The following DOCK9 variants were observed in gnomAD, a reference collection of about 807,000 sequenced individuals.
DOCK9 encodes the protein dedicator of cytokinesis protein 9.
DOCK9 carries 89 observed loss-of-function variants against 263.3 expected under a neutral mutation model. The observed-to-expected ratio is 0.34, with a 90% CI of 0.28 to 0.40. The LOEUF (loss-of-function observed/expected upper bound fraction) is 0.40. Among genes scored for constraint, DOCK9 ranks in the 10% least tolerant of loss-of-function variants. DOCK9 has a pLI of 1.00. For missense variants in DOCK9, 2,140 were observed against 2,603.4 expected, an observed-to-expected ratio of 0.82 and a Z score of 3.87; for synonymous variants, 976 against 973.1, an observed-to-expected ratio of 1.00 and a Z score of -0.06.
chr13:98,948,906 T>C (rs1039510558), intron 2 of DOCK9, among the ~76,000 whole-genome samples: 2 of 152,210 alleles, frequency 1.3e-5, no homozygotes, highest in African/African-American at 4.8e-5. Flanking sequence ...GGCTGAATAA[T>C]ATTCCATTTT....
In DOCK9 at chr13:98,797,171, T is replaced by A; in HGVS notation, c.6100A>T (p.Met2034Leu). The change falls in exon 52 of 53, where the codon ATG (methionine) becomes TTG (leucine). Residue 2034 changes from methionine to leucine, a missense_variant. Transcript: ENST00000682017. ...GCCATTTCCCTGTAGTTGGCTTTCA[T>A]TTCTTCCTGATACTCGAGCTGGTCT... ...KEDQLEYQEE[M>L]KANYREMAKE... 1 of 1,614,008 alleles carries A rather than the reference T, an allele frequency of 6.2e-7. No homozygotes were observed. Among genetic ancestry groups the A allele is most frequent in the Non-Finnish European group, 8.5e-7 (1 of 1,179,890 alleles).
intron 1 of DOCK9, among the ~76,000 whole-genome samples, chr13:99,054,124 T>C (rs1273846776): frequency 6.6e-6 from 1 of 152,246 alleles, no homozygotes; most frequent in Non-Finnish European, 1.5e-5. Context: ...AAGAGGAGAC[T>C]CTTCTGGTGG....
intron 1 of DOCK9, among the ~76,000 whole-genome samples, chr13:98,994,929 G>C (rs902384295): frequency 1.3e-5 from 2 of 152,082 alleles, no homozygotes; most frequent in Admixed American, 1.3e-4. Flanking sequence ...TTACTTTTCT[G>C]TTCACTTTAA....
chr13:98,831,951 C>A, intron 39 of DOCK9, 165 bp from the exon 40 acceptor site: 2 of 796,036 alleles, frequency 2.5e-6, no homozygotes, highest in Non-Finnish European at 3.8e-6. Flanking sequence ...TTTTGTAGAA[C>A]AAGCAAATCT....
intron 1 of DOCK9, among the ~76,000 whole-genome samples, chr13:99,020,260 A>C (rs1423349723): frequency 6.6e-6 from 1 of 152,248 alleles, no homozygotes; most frequent in Non-Finnish European, 1.5e-5. Flanking sequence ...CAAAGGATTT[A>C]CTGTGTAACC....
At position 99,023,170 on chromosome 13, in the gene DOCK9, T is replaced by C. The variant is rs549545723; in HGVS notation, c.129+63053A>G. ...AGAGAGATGTGCACACCCACGTTCA[T>C]AGGCAGCATTATTCACAATAGTCAG... is the stretch of plus-strand genomic sequence containing the variant. On this transcript the variant is annotated intron_variant, in intron 1 of 32. Coordinates refer to the DOCK9 transcript ENST00000427887. 2.2e-4 allele frequency among the ~76,000 whole-genome samples: 34 copies of C among 152,314 alleles called. 1 individual carries two copies. In the South Asian group the frequency reaches 6.2e-3, roughly 28 times the overall value.
intron 45 of DOCK9, among the ~76,000 whole-genome samples, chr13:98,813,924 A>T (rs537692447): frequency 6.6e-6 from 1 of 152,182 alleles, no homozygotes; most frequent in Non-Finnish European, 1.5e-5. Flanking sequence ...TACAGGCATG[A>T]GCCACTGCGC....
intron 39 of DOCK9, among the ~76,000 whole-genome samples, chr13:98,835,464 G>T (rs1291573687): frequency 3.3e-5 from 5 of 152,172 alleles, no homozygotes; most frequent in Admixed American, 6.5e-5. Context: ...CCTCCCAGCT[G>T]GGGGGAGGTG....
In DOCK9 at chr13:98,867,415, G is replaced by A. The variant is rs748135861; in HGVS notation, c.3286+10C>T. The A allele has an allele frequency of 1.4e-6, 2 of 1,436,624 alleles. No homozygotes were observed. Among genetic ancestry groups the A allele is most frequent in the African/African-American group, 2.8e-5 (2 of 70,726 alleles). The allele number at this position is 1,436,624 out of a possible 1,614,324, so 89.0% of individuals were successfully genotyped here. ...TTGTGAAAAGGTTAATAGAAATAAA[G>A]ATGGATTACCTTGGTATCTTTGAAT... On this transcript the variant is annotated intron_variant, in intron 30 of 52. Transcript: ENST00000682017.
chr13:98,963,872 C>A (rs994786401), intron 1 of DOCK9, among the ~76,000 whole-genome samples: 7 of 152,236 alleles, frequency 4.6e-5, no homozygotes, highest in Non-Finnish European at 8.8e-5. Context: ...GACACACAAG[C>A]CTTCCTGCAC....
chr13:98,961,564 G>A (rs1392998535), intron 1 of DOCK9, among the ~76,000 whole-genome samples: 1 of 152,186 alleles, frequency 6.6e-6, no homozygotes, highest in Non-Finnish European at 1.5e-5. Context: ...CCACAAAGGT[G>A]GCCTTTGGCG....
At chr13:98,960,103 A>C (rs148728307) in intron 1 of DOCK9, among the ~76,000 whole-genome samples, 17 of 152,244 alleles carry the variant, frequency 1.1e-4, no homozygotes, top group Admixed American at 7.2e-4. Flanking sequence ...GGCCTGGCAC[A>C]GATCTGGCAC....
At chr13:98,928,098 T>C (rs546010969) in intron 3 of DOCK9, among the ~76,000 whole-genome samples, 1 of 150,740 alleles carries the variant, frequency 6.6e-6, no homozygotes, top group African/African-American at 2.4e-5. Context: ...ACCATCTACA[T>C]AGCAGGCATT....
At chr13:98,913,317 C>T (rs2050363487) in intron 9 of DOCK9, among the ~76,000 whole-genome samples, 1 of 152,026 alleles carries the variant, frequency 6.6e-6, no homozygotes, top group Non-Finnish European at 1.5e-5. Context: ...AGTAAGAGTG[C>T]AAAGGGCTAG....
intron 1 of DOCK9, among the ~76,000 whole-genome samples, chr13:99,045,221 G>C (rs748865904): frequency 2.6e-5 from 4 of 152,172 alleles, no homozygotes; most frequent in Non-Finnish European, 5.9e-5. Context: ...GTTCATGGCC[G>C]CACTATTCAC....
At chr13:99,008,358 C>A (rs1159008884) in intron 1 of DOCK9, among the ~76,000 whole-genome samples, 4 of 151,460 alleles carry the variant, frequency 2.6e-5, no homozygotes, top group Non-Finnish European at 4.4e-5. Context: ...CTCAGCCTCC[C>A]GAGTAGCTGG....
chr13:98,841,695 C>T (rs889461105), intron 38 of DOCK9, among the ~76,000 whole-genome samples: 7 of 150,212 alleles, frequency 4.7e-5, no homozygotes, highest in African/African-American at 1.7e-4. Flanking sequence ...GATCTCGGCT[C>T]ACTGTAACCT....
At chr13:98,842,199 G>A (rs1594580358) in intron 38 of DOCK9, among the ~76,000 whole-genome samples, 1 of 152,100 alleles carries the variant, frequency 6.6e-6, no homozygotes, top group African/African-American at 2.4e-5. Flanking sequence ...GACAAGCCAC[G>A]CCATCCAACT....
intron 27 of DOCK9, among the ~76,000 whole-genome samples, chr13:98,878,151 G>C (rs1490257428): frequency 6.6e-6 from 1 of 152,196 alleles, no homozygotes; most frequent in Non-Finnish European, 1.5e-5. Context: ...AAGCCAAGGA[G>C]AGAGGCCTCA....
Sources: gnomAD v4.1 joint callset for allele counts (sites outside exome capture counted in the v4.1 genomes callset) on GRCh38, gnomAD v4.1.1 for gene constraint, MANE v1.5 for transcripts, NCBI Gene and HGNC (gene_info 2026-07-23, HGNC 2026-07-21) for gene names.